WASHC2A: variants seen among roughly 807,000 people sequenced by gnomAD.
WASHC2A encodes WASH complex subunit FAM21A.
A neutral mutation model predicts 140.3 loss-of-function variants in WASHC2A; 82 were observed. The ratio of observed to expected loss-of-function variants is 0.58; its 90% CI spans 0.49 to 0.70. The LOEUF is 0.70. Ranked by LOEUF, WASHC2A falls within the 30% of genes least tolerant of loss-of-function variation. WASHC2A has a pLI of 0.00. For missense variants in WASHC2A, 985 were observed against 1,521.8 expected (o/e 0.65, Z 5.87); for synonymous variants, 340 against 560.8 (o/e 0.61, Z 5.56).
intron 16 of WASHC2A, among the ~76,000 whole-genome samples, chr10:50,099,323 G>A (rs1392097895): frequency 1.3e-5 from 2 of 149,206 alleles, no homozygotes; most frequent in African/African-American, 4.9e-5. Flanking sequence ...AGACTGGAGT[G>A]TAGTGGTACA....
chr10:50,082,801 G>C (rs1189081183), intron 5 of WASHC2A, among the ~76,000 whole-genome samples: 217 of 142,808 alleles, frequency 1.5e-3, no homozygotes, highest in African/African-American at 5.4e-3. Context: ...TTTAATGTGT[G>C]TGTGGTGTGG....
At chr10:50,068,399 A>G (rs1456818697) in intron 2 of WASHC2A, among the ~76,000 whole-genome samples, 172 bp downstream of exon 2, 1 of 150,522 alleles carries the variant, frequency 6.6e-6, no homozygotes, top group East Asian at 2.0e-4. Flanking sequence ...CCCGGCCACC[A>G]GGGAGAGGGG....
At position 50,072,452 on chromosome 10, in the gene WASHC2A, T is replaced by G. The variant is rs186655193; in HGVS notation, c.291+2741T>G. ...TTAATAAAACTCTGAAAAAATATAG[T>G]TGCTGATATATATTTGTAAGTGATC... On this transcript the variant is annotated intron_variant, in intron 3 of 30. Coordinates refer to ENST00000282633, the MANE Select transcript of WASHC2A (RefSeq NM_001005751.3). Among the ~76,000 whole-genome samples, 246 of 151,054 alleles carry G rather than the reference T, an allele frequency of 1.6e-3. 1 individual carries two copies. Among genetic ancestry groups the G allele is most frequent in the African/African-American group, 5.8e-3 (238 of 41,326 alleles).
rs1206903936 is a variant in WASHC2A, at chr10:50,083,554, CT to C, written c.529-498del. Among the ~76,000 whole-genome samples the C allele has an allele frequency of 2.4e-3, 198 of 83,672 alleles. 7 individuals carry two copies. The highest frequency in any genetic ancestry group is 8.8e-3 in the African/African-American group (154 of 17,448). The allele number at this position is 83,672 out of a possible 152,430, so 54.9% of individuals were successfully genotyped here. ...GTGTGATACAGCTTTACTTTGGTATCTTTTTTTTTTTTTTTTTTTTGAGATG... is the reference window on the plus strand; with the variant it reads ...GTGTGATACAGCTTTACTTTGGTATCTTTTTTTTTTTTTTTTTTTGAGATG... On this transcript the variant is annotated intron_variant, in intron 5 of 30. Transcript: ENST00000282633.
intron 28 of WASHC2A, among the ~76,000 whole-genome samples, chr10:50,128,887 C>T (rs1321718914): frequency 1.3e-5 from 2 of 151,428 alleles, no homozygotes; most frequent in East Asian, 1.9e-4. Flanking sequence ...GAATATTTAA[C>T]GTTTGAATTC....
chr10:50,127,073 C>G, intron 26 of WASHC2A, 87 bp from the exon 27 acceptor site: 3 of 1,443,080 alleles, frequency 2.1e-6, no homozygotes, highest in Non-Finnish European at 2.9e-6. Flanking sequence ...GACAGTTTTG[C>G]TCCATCACAG....
At chr10:50,094,705 TG>T (rs1840286309) in intron 13 of WASHC2A, among the ~76,000 whole-genome samples, 1 of 151,678 alleles carries the variant, frequency 6.6e-6, no homozygotes. Context: ...GTGACTTGCT[TG>T]GTTTCCCCCT....
chr10:50,102,895 A>T (rs1458290187), intron 17 of WASHC2A, among the ~76,000 whole-genome samples: 8 of 151,388 alleles, frequency 5.3e-5, no homozygotes, highest in African/African-American at 1.2e-4. Flanking sequence ...AGATGAAATT[A>T]TACTCTTTTT....
intron 10 of WASHC2A, among the ~76,000 whole-genome samples, chr10:50,091,751 C>G (rs1286160792): frequency 6.6e-6 from 1 of 152,026 alleles, no homozygotes; most frequent in Non-Finnish European, 1.5e-5. Context: ...TGTAGATAAC[C>G]CTTTACATAT....
intron 30 of WASHC2A, chr10:50,131,342 C>G (rs1843944423): frequency 1.1e-5 from 7 of 636,404 alleles, no homozygotes; most frequent in Non-Finnish European, 1.7e-5. Flanking sequence ...CTCAGTGCAC[C>G]TCACCAATCA....
chr10:50,082,351 C>A (rs1470236607), intron 5 of WASHC2A, among the ~76,000 whole-genome samples: 2 of 151,820 alleles, frequency 1.3e-5, no homozygotes, highest in African/African-American at 4.8e-5. Flanking sequence ...AATTATTCTC[C>A]CCTGCCCCAG....
chr10:50,115,356 A>G (rs1324654758), intron 21 of WASHC2A, among the ~76,000 whole-genome samples: 2 of 39,946 alleles, frequency 5.0e-5, no homozygotes, highest in East Asian at 1.2e-3. Context: ...CTTGAGAACT[A>G]CTAGCCCAGT....
chr10:50,127,935 C>G, intron 28 of WASHC2A, 140 bp downstream of exon 28: 1 of 1,552,710 alleles, frequency 6.4e-7, no homozygotes, highest in Non-Finnish European at 8.7e-7. Flanking sequence ...TTCAGCCACT[C>G]CCCACTCCAT....
intron 17 of WASHC2A, among the ~76,000 whole-genome samples, chr10:50,100,498 T>TA (rs1467107803): frequency 6.6e-6 from 1 of 152,160 alleles, no homozygotes; most frequent in East Asian, 1.9e-4. Flanking sequence ...AATAAATGAA[T>TA]AAAAAATAAT....
chr10:50,098,553 T>TA (rs1344162549), intron 16 of WASHC2A, among the ~76,000 whole-genome samples: 2 of 98,288 alleles, frequency 2.0e-5, no homozygotes, highest in Non-Finnish European at 4.5e-5. Context: ...GCCCGGCTTC[T>TA]AACAGGCCAT....
chr10:50,072,481 C>CTTTTTTTTT (rs11440968), intron 3 of WASHC2A, among the ~76,000 whole-genome samples: 17 of 90,602 alleles, frequency 1.9e-4, no homozygotes, highest in Non-Finnish European at 2.3e-4. Flanking sequence ...AGTGATCTGG[C>CTTTTTTTTT]TTTTTTTTTT....
chr10:50,133,438 G>A lies in WASHC2A; in HGVS notation c.*493G>A, dbSNP rs1487721640. 1 of 470,206 alleles carries A rather than the reference G, an allele frequency of 2.1e-6. No homozygotes were observed. The highest frequency in any genetic ancestry group is 4.4e-6 in the Non-Finnish European group (1 of 227,890). The allele number at this position is 470,206 out of a possible 1,614,324, so 29.1% of individuals were successfully genotyped here. A position where few individuals can be genotyped will look rare whatever the true frequency, so the allele number is the denominator to read the frequency against. ...AGGGTGCCTCTGCATGTCCTCCAAG[G>A]CAAAGTTTGGCAAACTGTGGCCCCC... On this transcript the variant is annotated 3_prime_UTR_variant, in exon 31 of 31. Coordinates refer to ENST00000282633, the MANE Select transcript of WASHC2A (RefSeq NM_001005751.3).
chr10:50,101,996 A>T (rs1841241990), intron 17 of WASHC2A, among the ~76,000 whole-genome samples: 1 of 152,178 alleles, frequency 6.6e-6, no homozygotes, highest in Non-Finnish European at 1.5e-5. Flanking sequence ...TCTTTGTTCC[A>T]GCCTTGGAAG....
At chr10:50,098,347 T>A (rs1210852936) in intron 16 of WASHC2A, among the ~76,000 whole-genome samples, 1 of 151,916 alleles carries the variant, frequency 6.6e-6, no homozygotes, top group Non-Finnish European at 1.5e-5. Context: ...GTCCCCAAAA[T>A]GCCATTTACA....
Sources: gnomAD v4.1 joint callset for allele counts (sites outside exome capture counted in the v4.1 genomes callset) on GRCh38, gnomAD v4.1.1 for gene constraint, MANE v1.5 for transcripts, NCBI Gene and HGNC (gene_info 2026-07-23, HGNC 2026-07-21) for gene names.